The following DLGAP1 variants were observed in gnomAD, a reference collection of about 807,000 sequenced individuals.
DLGAP1 encodes DLG associated protein 1.
A neutral mutation model predicts 90.8 loss-of-function variants in DLGAP1; 11 were observed. The ratio of observed to expected loss-of-function variants is 0.12; its 90% CI spans 0.08 to 0.20. The LOEUF (loss-of-function observed/expected upper bound fraction) is 0.20. Among genes scored for constraint, DLGAP1 ranks in the 10% least tolerant of loss-of-function variants. The pLI is 1.00. For synonymous variants in DLGAP1, 558 were observed against 540.7 expected, an observed-to-expected ratio of 1.03 and a Z score of -0.44; for missense variants, 1,050 against 1,333.8, an observed-to-expected ratio of 0.79 and a Z score of 3.31.
At chr18:4,367,985 C>A (rs1012045676) in intron 1 of DLGAP1, among the ~76,000 whole-genome samples, 1 of 152,026 alleles carries the variant, frequency 6.6e-6, no homozygotes, top group African/African-American at 2.4e-5. Context: ...GTTTTATCAA[C>A]ATTTCATTTG....
At chr18:4,227,149 G>A (rs945072144) in intron 1 of DLGAP1, among the ~76,000 whole-genome samples, 2 of 151,910 alleles carry the variant, frequency 1.3e-5, no homozygotes, top group Admixed American at 6.6e-5. Flanking sequence ...AATTCAATAA[G>A]AGGATATAAC....
At chr18:3,593,874 A>C (rs2056420872) in intron 7 of DLGAP1, 1 of 151,974 alleles carries the variant, frequency 6.6e-6, no homozygotes, top group African/African-American at 2.4e-5. Context: ...TCACAACTTT[A>C]TTTTTTTTAA....
At chr18:4,107,433 C>T (rs765325723) in intron 2 of DLGAP1, among the ~76,000 whole-genome samples, 1 of 152,182 alleles carries the variant, frequency 6.6e-6, no homozygotes. Context: ...GCTCCCCTTT[C>T]CCTATCCTGC....
At chr18:3,547,711 A>G (rs913719795) in intron 9 of DLGAP1, among the ~76,000 whole-genome samples, 5 of 152,192 alleles carry the variant, frequency 3.3e-5, no homozygotes, top group Admixed American at 6.5e-5. Flanking sequence ...ACGAATTCCT[A>G]TATTAACTAG....
rs1452246197 is a variant in DLGAP1, at chr18:3,764,567, C to T, written c.1173-22055G>A. ...AGGGAAATACGGGTAGTTCCATATACCCCTTGTTAATACATCTATGCTGTT... is the reference window on the plus strand; with the variant it reads ...AGGGAAATACGGGTAGTTCCATATATCCCTTGTTAATACATCTATGCTGTT... On this transcript the variant is annotated intron_variant, in intron 5 of 12. Coordinates refer to ENST00000315677, the MANE Select transcript of DLGAP1 (RefSeq NM_004746.4). Among the ~76,000 whole-genome samples the T allele has an allele frequency of 2.6e-5, 4 of 152,222 alleles. No individual in the cohort carries two copies. The East Asian group carries it at 5.8e-4, about 22-fold the overall frequency.
At chr18:3,858,441 G>A (rs1237559292) in intron 4 of DLGAP1, among the ~76,000 whole-genome samples, 2 of 149,170 alleles carry the variant, frequency 1.3e-5, no homozygotes, top group Admixed American at 6.7e-5. Context: ...ACAAGTGTCT[G>A]AATTAAAAAT....
chr18:3,731,349 T>C (rs982319035), intron 6 of DLGAP1, among the ~76,000 whole-genome samples: 1 of 152,182 alleles, frequency 6.6e-6, no homozygotes, highest in African/African-American at 2.4e-5. Context: ...CTACTTTGTA[T>C]AAAACTTGAA....
At chr18:4,225,599 A>T (rs777338468) in intron 1 of DLGAP1, among the ~76,000 whole-genome samples, 1 of 151,964 alleles carries the variant, frequency 6.6e-6, no homozygotes, top group Non-Finnish European at 1.5e-5. Context: ...TAAATTTAAC[A>T]AAAATACTTA....
At chr18:4,269,350 ATATATTTTTT>A (rs1349808679) in intron 1 of DLGAP1, among the ~76,000 whole-genome samples, 13 of 127,100 alleles carry the variant, frequency 1.0e-4, no homozygotes, top group African/African-American at 4.2e-4. Flanking sequence ...ATATATATAT[ATATATTTTTT>A]TTTTTCTTTT....
At chr18:3,600,347 C>G (rs2056826967) in intron 7 of DLGAP1, among the ~76,000 whole-genome samples, 1 of 152,120 alleles carries the variant, frequency 6.6e-6, no homozygotes, top group Middle Eastern at 3.4e-3. Flanking sequence ...CCTCCACCTC[C>G]CCGGTTCAAG....
intron 1 of DLGAP1, among the ~76,000 whole-genome samples, chr18:4,375,138 T>C (rs920457367): frequency 6.6e-6 from 1 of 152,108 alleles, no homozygotes; most frequent in African/African-American, 2.4e-5. Flanking sequence ...TCTTCTACCT[T>C]TTATTAGATG....
At chr18:4,396,315 C>T (rs1442151243) in intron 1 of DLGAP1, among the ~76,000 whole-genome samples, 1 of 152,152 alleles carries the variant, frequency 6.6e-6, no homozygotes, top group Non-Finnish European at 1.5e-5. Context: ...AATATGACCA[C>T]CAGGAAATCC....
rs938641557 is a variant in DLGAP1, at chr18:3,913,143, C to T, written c.-72-33003G>A. On this transcript the variant is annotated intron_variant, in intron 3 of 12. Coordinates refer to ENST00000315677, the MANE Select transcript of DLGAP1 (RefSeq NM_004746.4). ...GTTTTGTTTTTGAGACAGGGTCTCA[C>T]TCTGTTACCCAGGCTGGAGTCAATG... Among the ~76,000 whole-genome samples the T allele has an allele frequency of 2.8e-4, 43 of 152,146 alleles. 1 individual carries two copies. Among genetic ancestry groups the T allele is most frequent in the Non-Finnish European group, 5.6e-4 (38 of 68,028 alleles).
At position 3,711,136 on chromosome 18, in the gene DLGAP1, G is replaced by T. The variant is rs111864475; in HGVS notation, c.1591+17999C>A. 1.0e-3 allele frequency among the ~76,000 whole-genome samples: 152 copies of T among 152,346 alleles called. 1 individual carries two copies. Among genetic ancestry groups the T allele is most frequent in the African/African-American group, 3.2e-3 (133 of 41,576 alleles). Reference sequence around the variant, plus strand: ...GCAGAGACTTGGCTATAAACACGATGATCTCAGCCACAGAGTGTAAGAGGG... The same window carrying T: ...GCAGAGACTTGGCTATAAACACGATTATCTCAGCCACAGAGTGTAAGAGGG... On this transcript the variant is annotated intron_variant, in intron 7 of 12. Transcript: ENST00000315677. This position sits in a 1 kb window ranked among gnomAD's most constrained non-coding sequence, Gnocchi z 4.0.
At chr18:3,757,152 G>A (rs370883750) in intron 5 of DLGAP1, among the ~76,000 whole-genome samples, 4 of 152,170 alleles carry the variant, frequency 2.6e-5, no homozygotes, top group Non-Finnish European at 4.4e-5. Context: ...GCTCATGCCC[G>A]TAACCCCAGC....
At chr18:3,927,361 T>C (rs1221853734) in intron 3 of DLGAP1, among the ~76,000 whole-genome samples, 1 of 152,268 alleles carries the variant, frequency 6.6e-6, no homozygotes, top group Non-Finnish European at 1.5e-5. Context: ...TAAATTATGA[T>C]ACAGTCCAGA....
intron 2 of DLGAP1, among the ~76,000 whole-genome samples, chr18:4,075,780 A>G (rs1002245148): frequency 1.3e-5 from 2 of 152,246 alleles, no homozygotes; most frequent in African/African-American, 4.8e-5. Flanking sequence ...CAAGGCAAGC[A>G]CTGTTTCTCG....
At chr18:4,189,651 C>T (rs916058721) in intron 1 of DLGAP1, among the ~76,000 whole-genome samples, 23 of 152,010 alleles carry the variant, frequency 1.5e-4, no homozygotes, top group South Asian at 4.1e-4. Context: ...AGAACCAGAA[C>T]GGTCAACAAA....
chr18:3,981,219 C>G (rs2073721728), intron 3 of DLGAP1, among the ~76,000 whole-genome samples: 1 of 152,210 alleles, frequency 6.6e-6, no homozygotes, highest in Non-Finnish European at 1.5e-5. Flanking sequence ...ACTCAGTTTT[C>G]CTCTGCACTT....
Sources: allele counts gnomAD v4.1 joint callset (sites outside exome capture counted in the v4.1 genomes callset), GRCh38; gene constraint gnomAD v4.1.1; non-coding constraint Gnocchi (gnomAD v3.1); transcripts MANE v1.5; gene names NCBI Gene and HGNC (gene_info 2026-07-23, HGNC 2026-07-21).